The following GPHN variants were observed in gnomAD, a reference collection of about 807,000 sequenced individuals.
GPHN encodes the protein gephyrin.
In GPHN, 17 loss-of-function variants were observed where a neutral mutation model predicts 95.5. The observed-to-expected ratio is 0.18, with a 90% CI of 0.12 to 0.27. GPHN has a LOEUF of 0.27. GPHN is among the 10% of genes least tolerant of loss of function. The pLI, the probability that GPHN is intolerant of heterozygous loss-of-function variation, is 1.00. For missense variants in GPHN, 660 were observed against 978.1 expected, an observed-to-expected ratio of 0.67 and a Z score of 4.34; for synonymous variants, 320 against 322.5, an observed-to-expected ratio of 0.99 and a Z score of 0.08.
the GPHN span, among the ~76,000 whole-genome samples, chr14:67,685,825 AG>A: frequency 6.6e-6 from 1 of 152,096 alleles, no homozygotes; most frequent in Non-Finnish European, 1.5e-5. Context: ...CATGTTGGCC[AG>A]ACTGGTCTTG....
At chr14:67,501,304 GA>G in the GPHN span, among the ~76,000 whole-genome samples, 1 of 152,004 alleles carries the variant, frequency 6.6e-6, no homozygotes. Context: ...ACTCAGCTCA[GA>G]CACAAAATTT....
intron 4 of GPHN, among the ~76,000 whole-genome samples, chr14:66,868,271 T>C (rs1023520702): frequency 6.6e-6 from 1 of 152,146 alleles, no homozygotes; most frequent in Non-Finnish European, 1.5e-5. Context: ...ATATATAAAT[T>C]TGTCTGCTCT....
chr14:66,568,383 A>G (rs1341232549), intron 1 of GPHN, among the ~76,000 whole-genome samples: 1 of 152,204 alleles, frequency 6.6e-6, no homozygotes, highest in Non-Finnish European at 1.5e-5. Flanking sequence ...ATTTTAGGCC[A>G]GATTATTAGA....
chr14:67,078,136 G>T (rs930385228), intron 11 of GPHN, among the ~76,000 whole-genome samples: 1 of 152,130 alleles, frequency 6.6e-6, no homozygotes, highest in African/African-American at 2.4e-5. Flanking sequence ...TTGGCACACA[G>T]CCTAACCTTC....
intron 2 of GPHN, among the ~76,000 whole-genome samples, chr14:66,749,333 G>A (rs746816508): frequency 2.0e-5 from 3 of 151,924 alleles, no homozygotes; most frequent in Non-Finnish European, 4.4e-5. Context: ...TGTGGACATA[G>A]TTTTCAATTC....
At chr14:67,056,228 T>C (rs2153646847) in intron 10 of GPHN, among the ~76,000 whole-genome samples, 1 of 152,358 alleles carries the variant, frequency 6.6e-6, no homozygotes, top group South Asian at 2.1e-4. Flanking sequence ...GGTTGCTGAT[T>C]GGTGCGTTTA....
In GPHN at chr14:66,776,528, TATGGC is replaced by T; in HGVS notation, c.201+10_201+14del. ...TGAAATAGAAGAAATCAAGGTATAG[TATGGC>T]ATTTTTCACCTCTACAAACATTTAG... On this transcript the variant is annotated splice_region_variant and intron_variant, in intron 3 of 22. Transcript: ENST00000478722. The T allele has an allele frequency of 6.5e-7, 1 of 1,532,350 alleles. No homozygotes were observed. The allele number at this position is 1,532,350 out of a possible 1,614,324, so 94.9% of individuals were successfully genotyped here.
chr14:67,337,012 T>C, the GPHN span, among the ~76,000 whole-genome samples: 1 of 152,248 alleles, frequency 6.6e-6, no homozygotes, highest in Non-Finnish European at 1.5e-5. Context: ...TGCTACTTTC[T>C]AGCTTTTTAA....
At chr14:67,348,614 C>T in the GPHN span, among the ~76,000 whole-genome samples, 7 of 151,648 alleles carry the variant, frequency 4.6e-5, no homozygotes, top group African/African-American at 7.3e-5. Flanking sequence ...CTCCGCTTCC[C>T]GGGTTCAAGC....
At chr14:66,812,414 A>G (rs765672098) in intron 3 of GPHN, among the ~76,000 whole-genome samples, 2 of 152,206 alleles carry the variant, frequency 1.3e-5, no homozygotes, top group Non-Finnish European at 2.9e-5. Context: ...AAACAAGTGA[A>G]CATGACCCAT....
the GPHN span, among the ~76,000 whole-genome samples, chr14:67,683,999 T>C: frequency 1.9e-3 from 289 of 152,366 alleles, 1 homozygote; most frequent in Non-Finnish European, 3.5e-3. Flanking sequence ...TCCCCTCATT[T>C]AATTAATCAT....
chr14:67,139,279 A>G (rs1476390078), intron 17 of GPHN, among the ~76,000 whole-genome samples: 1 of 151,792 alleles, frequency 6.6e-6, no homozygotes, highest in East Asian at 1.9e-4. Flanking sequence ...GCTAGAATGC[A>G]GTGGCTATTC....
chr14:67,098,101 A>G (rs2077491474), intron 12 of GPHN, among the ~76,000 whole-genome samples: 1 of 152,150 alleles, frequency 6.6e-6, no homozygotes, highest in Non-Finnish European at 1.5e-5. Flanking sequence ...TATGTAACAA[A>G]CCTGCACGTT....
intron 8 of GPHN, among the ~76,000 whole-genome samples, chr14:66,929,600 AAAAT>A (rs2066668915): frequency 6.6e-6 from 1 of 151,938 alleles, no homozygotes; most frequent in South Asian, 2.1e-4. Context: ...TGTTTGTCTT[AAAAT>A]CTATTTTTTC....
chr14:67,515,521 T>A, the GPHN span: 1 of 155,724 alleles, frequency 6.4e-6, no homozygotes, highest in Non-Finnish European at 1.4e-5. Context: ...CTTAACTCCT[T>A]GCTCGCCCGC....
chr14:67,581,306 C>G, the GPHN span, among the ~76,000 whole-genome samples: 1 of 151,342 alleles, frequency 6.6e-6, no homozygotes, highest in Non-Finnish European at 1.5e-5. Flanking sequence ...ACACAAACAT[C>G]TGCCAAGAAA....
At chr14:67,408,881 T>C in the GPHN span, among the ~76,000 whole-genome samples, 1 of 152,126 alleles carries the variant, frequency 6.6e-6, no homozygotes, top group Non-Finnish European at 1.5e-5. Flanking sequence ...ATAATTTAAT[T>C]AGTCATTTGG....
chr14:66,616,710 A>G (rs1411465320), intron 1 of GPHN, among the ~76,000 whole-genome samples: 2 of 149,500 alleles, frequency 1.3e-5, no homozygotes. Flanking sequence ...GGGGAACAGG[A>G]CCCCTTTTTT....
At chr14:66,633,950 G>GTT (rs372091014) in intron 1 of GPHN, among the ~76,000 whole-genome samples, 1,770 of 129,516 alleles carry the variant, frequency 0.014, 20 homozygotes, top group Middle Eastern at 0.021. Flanking sequence ...TTTTCTTTCT[G>GTT]TTTTTTTTTT....
Sources: allele counts gnomAD v4.1 joint callset (sites outside exome capture counted in the v4.1 genomes callset), GRCh38; gene constraint gnomAD v4.1.1; transcripts MANE v1.5; gene names NCBI Gene and HGNC (gene_info 2026-07-23, HGNC 2026-07-21).